The following RARB variants were observed in gnomAD, a reference collection of about 807,000 sequenced individuals.
RARB encodes the protein HBV-activated protein.
In RARB, 17 loss-of-function variants were observed where a neutral mutation model predicts 51.9. The observed-to-expected ratio is 0.33, with a 90% confidence interval of 0.22 to 0.49. The LOEUF (loss-of-function observed/expected upper bound fraction) is 0.49, where lower values mean the gene tolerates loss of function less well. Among genes scored for constraint, RARB ranks in the 20% least tolerant of loss-of-function variants. RARB has a pLI of 0.99. For synonymous variants in RARB, 215 were observed against 195.4 expected (o/e 1.10, Z -0.84); for missense variants, 369 against 550.8 (o/e 0.67, Z 3.30).
At chr3:25,566,062 C>T (rs1700481754) in intron 3 of RARB, among the ~76,000 whole-genome samples, 2 of 152,152 alleles carry the variant, frequency 1.3e-5, no homozygotes, top group Admixed American at 6.6e-5. Flanking sequence ...TCAAAGGGAC[C>T]AATAGTCCCA....
intron 5 of RARB, among the ~76,000 whole-genome samples, chr3:25,269,964 C>T (rs908325303): frequency 3.3e-5 from 5 of 152,010 alleles, no homozygotes; most frequent in East Asian, 1.9e-4. Flanking sequence ...GAGATACCAC[C>T]GCGTACCATT....
intron 2 of RARB, among the ~76,000 whole-genome samples, chr3:25,058,343 G>A (rs1376992082): frequency 6.6e-6 from 1 of 151,788 alleles, no homozygotes; most frequent in Admixed American, 6.6e-5. Flanking sequence ...GAAATTCAGG[G>A]AACATTTTGC....
rs1302154692 is a variant in RARB at position 24,911,230 on chromosome 3, T to TA, written c.-380+52482dup. ...CTTTGTTCACAGCTGTAGTACTCAG[T>TA]AAAAGAGAATTAGAATTCTTAAGAA... On this transcript the variant is annotated intron_variant, in intron 2 of 11. Coordinates refer to the RARB transcript ENST00000383772. Among the ~76,000 whole-genome samples, 4 of 152,242 alleles carry TA rather than the reference T, an allele frequency of 2.6e-5. No individual in the cohort carries two copies. In the East Asian group the frequency reaches 5.8e-4, roughly 22 times the overall value.
At chr3:25,200,011 G>A (rs1701350009) in intron 5 of RARB, among the ~76,000 whole-genome samples, 2 of 152,134 alleles carry the variant, frequency 1.3e-5, no homozygotes, top group South Asian at 2.1e-4. Context: ...GATCCCTGAG[G>A]AATCACCACA....
chr3:25,042,406 G>T (rs1055466881), intron 2 of RARB, among the ~76,000 whole-genome samples: 1 of 152,174 alleles, frequency 6.6e-6, no homozygotes, highest in African/African-American at 2.4e-5. Flanking sequence ...GTTCCAGAAT[G>T]CTCTAAGTGC....
At chr3:25,507,704 T>A (rs1697680736) in intron 3 of RARB, among the ~76,000 whole-genome samples, 2 of 152,116 alleles carry the variant, frequency 1.3e-5, no homozygotes, top group Admixed American at 1.3e-4. Flanking sequence ...TGCCAAACCT[T>A]AGCTATCAAA....
intron 2 of RARB, among the ~76,000 whole-genome samples, chr3:24,895,624 T>A (rs76424132): frequency 6.6e-6 from 1 of 151,570 alleles, no homozygotes; most frequent in African/African-American, 2.4e-5. Context: ...TCTTTTTTTT[T>A]TTTCCTTGAG....
At chr3:25,120,638 T>A (rs1249809466) in intron 3 of RARB, among the ~76,000 whole-genome samples, 1 of 151,972 alleles carries the variant, frequency 6.6e-6, no homozygotes. Context: ...TATATATTGT[T>A]AACTAAAGTC....
chr3:25,272,211 T>G (rs1466147739), intron 5 of RARB, among the ~76,000 whole-genome samples: 1 of 152,206 alleles, frequency 6.6e-6, no homozygotes. Context: ...AAAAAGTTGT[T>G]CATCTCCGGT....
In RARB at chr3:25,331,819, A is replaced by G. The variant is rs1234830381; in HGVS notation, c.179-129374A>G. 4.6e-5 allele frequency among the ~76,000 whole-genome samples: 7 copies of G among 152,152 alleles called. No homozygotes were observed. In the South Asian group the frequency reaches 8.3e-4, roughly 18 times the overall value. On this transcript the variant is annotated intron_variant, in intron 5 of 11. Coordinates refer to the RARB transcript ENST00000383772. ...GAAAAGAGAGAAGAATCAAATAGAC[A>G]CAATAAAAAATGATAAAGGGGATAT...
In RARB at chr3:25,008,497, C is replaced by T. The variant is rs141328244; in HGVS notation, c.-379-51628C>T. Among the ~76,000 whole-genome samples the T allele has an allele frequency of 2.8e-4, 42 of 152,208 alleles. 1 individual carries two copies. The East Asian group carries it at 7.9e-3, about 29-fold the overall frequency. ...CCTCTGAGTAGCTACCTTATCCTTTCAGCCTCCCCAAGAGTACTGCTTAGG... is the reference window on the plus strand; with the variant it reads ...CCTCTGAGTAGCTACCTTATCCTTTTAGCCTCCCCAAGAGTACTGCTTAGG... On this transcript the variant is annotated intron_variant, in intron 2 of 11. Transcript: ENST00000383772.
chr3:25,505,132 A>G (rs1468350937), intron 3 of RARB, among the ~76,000 whole-genome samples: 1 of 152,102 alleles, frequency 6.6e-6, no homozygotes, highest in East Asian at 1.9e-4. Context: ...CAACCCTATG[A>G]GATAGATTAG....
chr3:25,452,385 T>C (rs886834473), intron 1 of RARB, among the ~76,000 whole-genome samples: 3 of 151,618 alleles, frequency 2.0e-5, no homozygotes, highest in African/African-American at 4.9e-5. Context: ...GAATAACTTC[T>C]ATTGCTGGCC....
chr3:24,944,891 T>C (rs1405049702), intron 2 of RARB, among the ~76,000 whole-genome samples: 3 of 152,184 alleles, frequency 2.0e-5, no homozygotes, highest in Non-Finnish European at 4.4e-5. Context: ...ATAATAGTTT[T>C]ATGCCATTGA....
chr3:25,233,003 T>C (rs1354691138), intron 5 of RARB, among the ~76,000 whole-genome samples: 6 of 132,758 alleles, frequency 4.5e-5, no homozygotes, highest in African/African-American at 1.5e-4. Flanking sequence ...TGAGACAGAG[T>C]CTTGCTGTGT....
intron 2 of RARB, among the ~76,000 whole-genome samples, chr3:24,961,255 G>A (rs935071649): frequency 3.3e-5 from 5 of 152,160 alleles, no homozygotes; most frequent in Admixed American, 6.5e-5. Context: ...ACTGTGCCAG[G>A]TACCCTGCTA....
chr3:25,177,093 C>T (rs78094243), intron 5 of RARB, among the ~76,000 whole-genome samples: 2,386 of 152,296 alleles, frequency 0.016, 47 homozygotes, highest in African/African-American at 0.053. Flanking sequence ...TTACTTACTT[C>T]ATACCCTAAT....
chr3:25,276,544 A>G (rs1314251382), intron 5 of RARB, among the ~76,000 whole-genome samples: 1 of 152,252 alleles, frequency 6.6e-6, no homozygotes, highest in Non-Finnish European at 1.5e-5. Flanking sequence ...TCTCTCCCTT[A>G]GTAACTAGGA....
intron 3 of RARB, among the ~76,000 whole-genome samples, chr3:25,546,117 G>T (rs998573931): frequency 5.3e-5 from 8 of 152,100 alleles, no homozygotes; most frequent in Non-Finnish European, 8.8e-5. Context: ...GTATGCCCTG[G>T]CATGTGTAGG....
Sources: allele counts gnomAD v4.1 joint callset (sites outside exome capture counted in the v4.1 genomes callset), GRCh38; gene constraint gnomAD v4.1.1; transcripts MANE v1.5; gene names NCBI Gene and HGNC (gene_info 2026-07-23, HGNC 2026-07-21).